The following ITGB3 variants were observed in gnomAD, a reference collection of about 807,000 sequenced individuals.
ITGB3 encodes the protein integrin subunit beta 3.
Under a neutral mutation model 85.8 loss-of-function variants are expected in ITGB3, and 48 were observed. The ratio of observed to expected loss-of-function variants is 0.56; its 90% CI spans 0.44 to 0.71. The LOEUF is 0.71. Among genes scored for constraint, ITGB3 ranks in the 30% least tolerant of loss-of-function variants. The pLI is 0.00. For missense variants in ITGB3, 861 were observed against 1,019.1 expected (o/e 0.84, Z 2.11); for synonymous variants, 363 against 395.6 (o/e 0.92, Z 0.98).
intron 4 of ITGB3, among the ~76,000 whole-genome samples, chr17:47,285,515 G>C (rs79166374): frequency 6.6e-6 from 1 of 152,138 alleles, no homozygotes; most frequent in Non-Finnish European, 1.5e-5. Context: ...CTACAGGGAG[G>C]CTGAGGTGGG....
intron 14 of ITGB3, among the ~76,000 whole-genome samples, chr17:47,307,984 G>T (rs1469803506): frequency 6.6e-6 from 1 of 151,940 alleles, no homozygotes; most frequent in Non-Finnish European, 1.5e-5. Flanking sequence ...TGGGCAACAT[G>T]GTGAAACCCC....
At chr17:47,279,616 T>C (rs1415003756) in intron 2 of ITGB3, 4 of 152,222 alleles carry the variant, frequency 2.6e-5, no homozygotes, top group Non-Finnish European at 5.9e-5. Flanking sequence ...CCTCTTCTCA[T>C]TAGGACTGCC....
Position 47,289,761 on chromosome 17 carries a change from A to G in ITGB3, c.1020A>G (p.Val340=), listed in dbSNP as rs1312425723. The G allele has an allele frequency of 8.7e-6, 14 of 1,613,542 alleles. No individual in the cohort carries two copies. The highest frequency in any genetic ancestry group is 1.2e-5 in the Non-Finnish European group (14 of 1,179,542). The change falls in exon 7 of 15, where the codon GTA becomes GTG. Residue 340 remains valine, a synonymous_variant. Coordinates refer to ENST00000559488, the MANE Select transcript of ITGB3 (RefSeq NM_000212.3). ...INLIFAVTEN[V]VNLYQNYSEL... ...TGATCTTTGCAGTGACTGAAAATGTAGTCAATCTCTATCAGGTGACTGTGC... is the reference window on the plus strand; with the variant it reads ...TGATCTTTGCAGTGACTGAAAATGTGGTCAATCTCTATCAGGTGACTGTGC...
At chr17:47,307,750 C>T in intron 14 of ITGB3, 113 bp downstream of exon 14, 3 of 1,043,148 alleles carry the variant, frequency 2.9e-6, no homozygotes, top group Non-Finnish European at 4.4e-6. Flanking sequence ...TTCCATTATC[C>T]TCTGTTCTGG....
intron 1 of ITGB3, among the ~76,000 whole-genome samples, chr17:47,255,578 C>G (rs1392567491): frequency 1.3e-5 from 2 of 152,058 alleles, no homozygotes; most frequent in South Asian, 4.1e-4. Context: ...CGCACCACCA[C>G]GCCCTACTAA....
intron 10 of ITGB3, among the ~76,000 whole-genome samples, chr17:47,297,602 A>G (rs1361905267): frequency 6.6e-6 from 1 of 152,064 alleles, no homozygotes; most frequent in Non-Finnish European, 1.5e-5. Flanking sequence ...GTTTACAGTG[A>G]GTCAAGATGG....
chr17:47,253,858 C>T lies in ITGB3; in HGVS notation c.-4C>T. 2.4e-6 allele frequency: 3 copies of T among 1,228,862 alleles called. No individual in the cohort carries two copies. The highest frequency in any genetic ancestry group is 3.0e-6 in the Non-Finnish European group (3 of 986,486). 76.1% of individuals were successfully genotyped at this position (1,228,862 alleles called of 1,614,324 possible). On this transcript the variant is annotated 5_prime_UTR_variant, in exon 1 of 15. In the 5' UTR this introduces an upstream ATG that the reference lacks. Transcript: ENST00000559488. ...CGGGCGGAGCGCCGCGGGAGGCGGA[C>T]GAGATGCGAGCGCGGCCGCGGCCCC...
At chr17:47,275,933 G>C (rs1328743709) in intron 2 of ITGB3, among the ~76,000 whole-genome samples, 2 of 152,200 alleles carry the variant, frequency 1.3e-5, no homozygotes, top group African/African-American at 4.8e-5. Flanking sequence ...TGCTCAGTGT[G>C]ATGTAGCCTC....
At chr17:47,304,530 A>G (rs1053553121) in intron 13 of ITGB3, among the ~76,000 whole-genome samples, 3 of 152,262 alleles carry the variant, frequency 2.0e-5, no homozygotes, top group African/African-American at 4.8e-5. Flanking sequence ...TTGGTACACA[A>G]TGATAGTAAA....
At position 47,310,245 on chromosome 17, in the gene ITGB3, C is replaced by T. The variant is rs1051452; in HGVS notation, c.*41C>T. On this transcript the variant is annotated 3_prime_UTR_variant, in exon 15 of 15. Transcript: ENST00000559488. ...CTCAGATCATTATCAGCCTGTGCCA[C>T]GATTGCAGGAGTCCCTGCCATCATG... 1.1e-5 allele frequency: 17 copies of T among 1,564,130 alleles called. No individual in the cohort carries two copies. The highest frequency in any genetic ancestry group is 2.2e-5 in the South Asian group (2 of 89,936).
rs1414752345 is a variant in ITGB3, at chr17:47,261,539, A to G, written c.79+7599A>G. ...ATTGTCTTTTTTTTTTTTTTTTTTG[A>G]GATGGAGTCTCACTCTGTCGCCCAG... On this transcript the variant is annotated intron_variant, in intron 1 of 14. Transcript: ENST00000559488. Among the ~76,000 whole-genome samples the G allele has an allele frequency of 3.9e-5, 4 of 102,634 alleles. No individual in the cohort carries two copies. In the South Asian group the frequency reaches 1.3e-3, roughly 33 times the overall value. The allele number at this position is 102,634 out of a possible 152,430, so 67.3% of individuals were successfully genotyped here.
chr17:47,304,283 G>A (rs980337758), intron 13 of ITGB3, among the ~76,000 whole-genome samples: 2 of 152,198 alleles, frequency 1.3e-5, no homozygotes, highest in Non-Finnish European at 2.9e-5. Context: ...TGAGTAGAAT[G>A]TTGCAGCTGG....
intron 2 of ITGB3, chr17:47,280,112 T>G (rs1857643174): frequency 6.6e-6 from 1 of 152,270 alleles, no homozygotes; most frequent in Admixed American, 6.5e-5. Flanking sequence ...GTCTTATTCA[T>G]TGATTTCCAT....
chr17:47,288,242 A>AGAGAGAGAGAGAGAGAGAG (rs1567765432), intron 6 of ITGB3, among the ~76,000 whole-genome samples: 1 of 64,838 alleles, frequency 1.5e-5, no homozygotes, highest in Non-Finnish European at 3.6e-5. Flanking sequence ...GAGAGAGAGA[A>AGAGAGAGAGAGAGAGAGAG]AGAGGGGAAA....
intron 13 of ITGB3, among the ~76,000 whole-genome samples, chr17:47,304,030 G>A (rs975044105): frequency 1.3e-5 from 2 of 151,920 alleles, no homozygotes; most frequent in African/African-American, 2.4e-5. Context: ...GACTACAGGC[G>A]TACACTACCA....
intron 11 of ITGB3, 110 bp from the exon 12 acceptor site, chr17:47,300,367 GT>G: frequency 1.3e-6 from 1 of 772,830 alleles, no homozygotes; most frequent in African/African-American, 1.7e-5. Flanking sequence ...GTGTGTGTGT[GT>G]TTTAATGGAG....
At chr17:47,283,676 G>T (rs946429214) in intron 3 of ITGB3, 127 bp downstream of exon 3, 1 of 886,462 alleles carries the variant, frequency 1.1e-6, no homozygotes, top group East Asian at 2.6e-5. Context: ...ACAAGGATGA[G>T]GGGGGAGGTG....
chr17:47,297,368 C>T (rs1447285279), intron 10 of ITGB3, among the ~76,000 whole-genome samples: 1 of 152,160 alleles, frequency 6.6e-6, no homozygotes, highest in Non-Finnish European at 1.5e-5. Context: ...GAACTTGCGG[C>T]TGGGCATGGT....
intron 2 of ITGB3, among the ~76,000 whole-genome samples, chr17:47,277,566 T>C (rs1020959514): frequency 3.3e-5 from 5 of 152,180 alleles, no homozygotes; most frequent in African/African-American, 9.7e-5. Flanking sequence ...CCAGCCTGGG[T>C]AACACAGGGA....
Sources: allele counts gnomAD v4.1 joint callset (sites outside exome capture counted in the v4.1 genomes callset), GRCh38; gene constraint gnomAD v4.1.1; transcripts MANE v1.5; gene names NCBI Gene and HGNC (gene_info 2026-07-23, HGNC 2026-07-21).